The following KRT8 variants were observed in gnomAD, a reference collection of about 807,000 sequenced individuals.
The protein encoded by KRT8 is keratin 8.
KRT8 carries 24 observed loss-of-function variants against 43.0 expected under a neutral mutation model. The ratio of observed to expected loss-of-function variants is 0.56; its 90% CI spans 0.40 to 0.78. The LOEUF (loss-of-function observed/expected upper bound fraction) is 0.78, where lower values mean the gene tolerates loss of function less well. Ranked by LOEUF, KRT8 falls within the 30% of genes least tolerant of loss-of-function variation. KRT8 has a pLI of 0.00. For missense variants in KRT8, 492 were observed against 638.4 expected, an observed-to-expected ratio of 0.77 and a Z score of 2.47; for synonymous variants, 214 against 261.2, an observed-to-expected ratio of 0.82 and a Z score of 1.74.
chr12:52,905,517 T>G (rs1941494694), upstream of KRT8, among the ~76,000 whole-genome samples: 1 of 152,120 alleles, frequency 6.6e-6, no homozygotes, highest in African/African-American at 2.4e-5. Context: ...GTGTTCTCCC[T>G]GATTGAAGCG....
At chr12:52,926,332 G>GGCCAACCCC in intron 2 of KRT8, 1 of 600,272 alleles carries the variant, frequency 1.7e-6, no homozygotes, top group Non-Finnish European at 3.0e-6. Flanking sequence ...GGCACTAGCT[G>GGCCAACCCC]CCCTCCCCAC....
chr12:52,938,645 T>G (rs1942217790), intron 2 of KRT8, among the ~76,000 whole-genome samples: 1 of 148,776 alleles, frequency 6.7e-6, no homozygotes, highest in African/African-American at 2.5e-5. Flanking sequence ...TGAGACGGAG[T>G]CTCGCTCTGT....
At chr12:52,914,893 TC>T (rs1565723863) in intron 2 of KRT8, among the ~76,000 whole-genome samples, 1 of 152,154 alleles carries the variant, frequency 6.6e-6, no homozygotes, top group African/African-American at 2.4e-5. Flanking sequence ...AGCACCTCTT[TC>T]CCGATGCTTC....
rs548630622 is a variant in KRT8, at chr12:52,920,337, C to T, written c.-46-15310G>A. Among the ~76,000 whole-genome samples the T allele has an allele frequency of 7.4e-3, 1,125 of 151,886 alleles. 12 individuals carry two copies. Among genetic ancestry groups the T allele is most frequent in the South Asian group, 0.037 (179 of 4,786 alleles). On this transcript the variant is annotated intron_variant, in intron 2 of 6. Coordinates refer to the KRT8 transcript ENST00000546826. ...CCCAGCCCAGGCACGGTGGCTCACG[C>T]CTGTAATCCCAGCACTTTGGGAGGC...
intron 2 of KRT8, among the ~76,000 whole-genome samples, chr12:52,923,165 C>T (rs1051853588): frequency 2.6e-5 from 4 of 152,074 alleles, no homozygotes; most frequent in East Asian, 1.9e-4. Flanking sequence ...AAAATCAAAG[C>T]GTTCTAAGGT....
chr12:52,918,213 A>G (rs1014317829), intron 2 of KRT8, among the ~76,000 whole-genome samples: 10 of 142,788 alleles, frequency 7.0e-5, no homozygotes, highest in Non-Finnish European at 1.3e-4. Context: ...AACAAGAAGA[A>G]GAAGAAGAAG....
intron 2 of KRT8, among the ~76,000 whole-genome samples, chr12:52,923,398 T>G (rs995411672): frequency 1.3e-4 from 20 of 152,124 alleles, no homozygotes; most frequent in African/African-American, 4.6e-4. Context: ...GGCAGGACCA[T>G]TTATTCCTAA....
intron 3 of KRT8, 30 bp from the exon 4 acceptor site, chr12:52,900,713 T>C: frequency 6.5e-7 from 1 of 1,543,040 alleles, no homozygotes; most frequent in South Asian, 1.1e-5. Context: ...GAGCCTGAGC[T>C]GGGTTTCCAC....
upstream of KRT8, among the ~76,000 whole-genome samples, chr12:52,907,755 C>T (rs1047112849): frequency 1.3e-5 from 2 of 152,202 alleles, no homozygotes; most frequent in African/African-American, 2.4e-5. Flanking sequence ...CCCCCAGATG[C>T]CCCAAGCACA....
chr12:52,948,940 T>A (rs1350352254), intron 2 of KRT8: 1 of 429,800 alleles, frequency 2.3e-6, no homozygotes, highest in Non-Finnish European at 4.0e-6. Context: ...TTCTGGGGGG[T>A]GAGCGGGGCT....
At chr12:52,913,622 C>T (rs891229182) in intron 2 of KRT8, among the ~76,000 whole-genome samples, 2 of 149,692 alleles carry the variant, frequency 1.3e-5, no homozygotes, top group Admixed American at 6.7e-5. Flanking sequence ...ATAGCACACA[C>T]GCCCTCTTGT....
chr12:52,898,598 G>A, intron 6 of KRT8, 79 bp from the exon 7 acceptor site: 2 of 1,611,896 alleles, frequency 1.2e-6, no homozygotes, highest in South Asian at 2.2e-5. Flanking sequence ...AAGTCCCAAG[G>A]GGCTTCAGGG....
chr12:52,917,216 C>G (rs1389497787), intron 2 of KRT8, among the ~76,000 whole-genome samples: 2 of 151,658 alleles, frequency 1.3e-5, no homozygotes, highest in Admixed American at 1.3e-4. Context: ...ATGGTGAAAT[C>G]CAGTCTCTGG....
chr12:52,902,518 GGGCTACA>G (rs1941397521), intron 1 of KRT8, among the ~76,000 whole-genome samples: 1 of 151,972 alleles, frequency 6.6e-6, no homozygotes, highest in Non-Finnish European at 1.5e-5. Flanking sequence ...CGAGTAGCTG[GGGCTACA>G]GGCACCTGCC....
intron 3 of KRT8, 81 bp from the exon 4 acceptor site, chr12:52,900,764 G>T: frequency 1.1e-6 from 1 of 942,394 alleles, no homozygotes; most frequent in Non-Finnish European, 1.7e-6. Context: ...CCACCCAATG[G>T]CCTGGTCACA....
chr12:52,933,950 C>G (rs1350287484), intron 2 of KRT8, among the ~76,000 whole-genome samples: 1 of 151,796 alleles, frequency 6.6e-6, no homozygotes, highest in Admixed American at 6.6e-5. Context: ...AAAAGAATAG[C>G]CGGGAACGGT....
chr12:52,943,641 A>G (rs140240052), intron 2 of KRT8, among the ~76,000 whole-genome samples: 4 of 152,306 alleles, frequency 2.6e-5, no homozygotes, highest in African/African-American at 9.6e-5. Flanking sequence ...CAGGGTGTTC[A>G]GTGTACAGGC....
chr12:52,915,718 A>T (rs1433713172), intron 2 of KRT8, among the ~76,000 whole-genome samples: 1 of 152,170 alleles, frequency 6.6e-6, no homozygotes, highest in Non-Finnish European at 1.5e-5. Context: ...CCGTCTCAAA[A>T]AAAAAAGAAG....
chr12:52,907,963 A>G (rs1316346070), upstream of KRT8, among the ~76,000 whole-genome samples: 3 of 152,198 alleles, frequency 2.0e-5, no homozygotes, highest in East Asian at 5.8e-4. Context: ...GCCGGACAAA[A>G]GGGAACAACG....
Sources: gnomAD v4.1 joint callset for allele counts (sites outside exome capture counted in the v4.1 genomes callset) on GRCh38, gnomAD v4.1.1 for gene constraint, MANE v1.5 for transcripts, NCBI Gene and HGNC (gene_info 2026-07-23, HGNC 2026-07-21) for gene names.